Variants in FAM149A observed in about 807,000 individuals in gnomAD.
FAM149A encodes family with sequence similarity 149 member A, also known as protein FAM149A.
A neutral mutation model predicts 78.2 loss-of-function variants in FAM149A; 71 were observed. The ratio of observed to expected loss-of-function variants is 0.91; its 90% CI spans 0.75 to 1.11. FAM149A has a LOEUF of 1.11. Ranked by LOEUF, FAM149A falls within the 50% of genes least tolerant of loss-of-function variation. The pLI is 0.00. For missense variants in FAM149A, 1,036 were observed against 971.0 expected, an observed-to-expected ratio of 1.07 and a Z score of -0.89; for synonymous variants, 446 against 410.5, an observed-to-expected ratio of 1.09 and a Z score of -1.04.
intron 8 of FAM149A, chr4:186,160,782 A>ACACACACACACACACAC (rs1734545214): frequency 6.4e-5 from 2 of 31,478 alleles, no homozygotes; most frequent in African/African-American, 4.9e-4. Flanking sequence ...ACACCACACC[A>ACACACACACACACACAC]CACACACACA....
At chr4:186,136,960 C>T (rs570638257) in intron 1 of FAM149A, among the ~76,000 whole-genome samples, 44 of 102,652 alleles carry the variant, frequency 4.3e-4, no homozygotes, top group African/African-American at 1.3e-3. Flanking sequence ...CTCTCTCTCT[C>T]TCTTTCTCTC....
chr4:186,144,906 G>T lies in FAM149A; in HGVS notation c.567-4267G>T. On this transcript the variant is annotated intron_variant, in intron 1 of 13. Transcript: ENST00000389354. This position sits in a 1 kb window ranked among gnomAD's most constrained non-coding sequence, Gnocchi z 4.2. ...GACCCCGGGCGCGCCCGGGCCGCCT[G>T]AGCTGGGCCAGCCGCGCGGCGGGCG... The T allele has an allele frequency of 1.0e-6, 1 of 970,356 alleles. No homozygotes were observed. The highest frequency in any genetic ancestry group is 4.6e-5 in the South Asian group (1 of 21,580). The allele number at this position is 970,356 out of a possible 1,614,324, so 60.1% of individuals were successfully genotyped here.
intron 3 of FAM149A, among the ~76,000 whole-genome samples, chr4:186,150,728 T>G (rs1472305798): frequency 3.3e-4 from 1 of 2,986 alleles, no homozygotes; most frequent in Non-Finnish European, 1.1e-3. Flanking sequence ...CTTTTCTCTC[T>G]TTTTTTTTTT....
Position 186,149,234 on chromosome 4 carries a change from C to A in FAM149A, c.628C>A (p.Pro210Thr). ...TACTGTGAGGAGCAAAGATTCTTTACCTACGCATTTTACAAGAAATGTGCA... is the reference window on the plus strand; with the variant it reads ...TACTGTGAGGAGCAAAGATTCTTTAACTACGCATTTTACAAGAAATGTGCA... The change falls in exon 2 of 14, where the codon CCT becomes ACT. Residue 210 changes from proline to threonine, a missense_variant. Physicochemically the swap from Pro to Thr is conservative, Grantham distance 38. This residue lies in a region of FAM149A where 716 missense variants were observed against 711.8 expected (regional missense o/e 1.01). Transcript: ENST00000389354. 1 of 1,289,278 alleles carries A rather than the reference C, an allele frequency of 7.8e-7. No homozygotes were observed. Among genetic ancestry groups the A allele is most frequent in the Non-Finnish European group, 1.0e-6 (1 of 988,580 alleles). The allele number at this position is 1,289,278 out of a possible 1,614,324, so 79.9% of individuals were successfully genotyped here.
At chr4:186,123,338 C>T in intron 1 of FAM149A, 2 of 985,434 alleles carry the variant, frequency 2.0e-6, no homozygotes, top group Non-Finnish European at 2.4e-6. Context: ...GTTTTCTTGT[C>T]TGTACCTTTA....
chr4:186,160,562 A>G (rs953625101), intron 8 of FAM149A, among the ~76,000 whole-genome samples: 10 of 144,864 alleles, frequency 6.9e-5, no homozygotes, highest in African/African-American at 2.6e-4. Context: ...ACATGCACAC[A>G]TACCACACAC....
chr4:186,156,963 A>C (rs903638575), intron 7 of FAM149A, among the ~76,000 whole-genome samples: 6 of 152,102 alleles, frequency 3.9e-5, no homozygotes, highest in African/African-American at 1.4e-4. Flanking sequence ...TCTCTCCCCC[A>C]AAAATAGCAG....
chr4:186,136,936 ATCTC>A (rs142934788), intron 1 of FAM149A, among the ~76,000 whole-genome samples: 895 of 87,842 alleles, frequency 0.01, 7 homozygotes, highest in Non-Finnish European at 0.012. Flanking sequence ...ACACTGATTG[ATCTC>A]TCTCTCTCTC....
At chr4:186,128,039 G>GGA (rs968063290) in intron 1 of FAM149A, among the ~76,000 whole-genome samples, 1 of 129,144 alleles carries the variant, frequency 7.7e-6, no homozygotes, top group African/African-American at 3.0e-5. Flanking sequence ...TGCCCAGGCT[G>GGA]GAGTGCAATG....
intron 1 of FAM149A, among the ~76,000 whole-genome samples, chr4:186,130,806 T>TAGAC (rs2099320486): frequency 6.6e-6 from 1 of 152,094 alleles, no homozygotes; most frequent in Non-Finnish European, 1.5e-5. Context: ...GATGCAAAGG[T>TAGAC]AGACAAATAG....
At chr4:186,146,463 G>A in intron 1 of FAM149A, 1 of 985,376 alleles carries the variant, frequency 1.0e-6, no homozygotes, top group Non-Finnish European at 1.2e-6. Context: ...GTGGTGTGAT[G>A]TGAAGAGAGA....
chr4:186,156,258 T>C, intron 7 of FAM149A, 68 bp downstream of exon 7: 1 of 1,387,040 alleles, frequency 7.2e-7, no homozygotes, highest in Non-Finnish European at 9.9e-7. Flanking sequence ...GGGCTCCTGC[T>C]CCCCAGCTTG....
chr4:186,130,331 A>C (rs1292046270), intron 1 of FAM149A, among the ~76,000 whole-genome samples: 11 of 121,158 alleles, frequency 9.1e-5, no homozygotes, highest in Non-Finnish European at 1.4e-4. Context: ...TATCGACAGA[A>C]CTAAAAGGAG....
Position 186,144,790 on chromosome 4 carries a change from C to T in FAM149A, c.567-4383C>T. On this transcript the variant is annotated intron_variant, in intron 1 of 13. Transcript: ENST00000389354. This position sits in a 1 kb window ranked among gnomAD's most constrained non-coding sequence, Gnocchi z 4.2. ...GGCGCAGCCGGGATTAGCTGGCGGG[C>T]GAGGGCGCAGCGCAGGGAGGAGGAG... 7.2e-6 allele frequency: 7 copies of T among 978,558 alleles called. No homozygotes were observed. Among genetic ancestry groups the T allele is most frequent in the Non-Finnish European group, 8.5e-6 (7 of 824,410 alleles). The allele number at this position is 978,558 out of a possible 1,614,324, so 60.6% of individuals were successfully genotyped here. A position where few individuals can be genotyped will look rare whatever the true frequency, so the allele number is the denominator to read the frequency against.
chr4:186,145,238 G>A (rs913569065), intron 1 of FAM149A: 50 of 766,378 alleles, frequency 6.5e-5, no homozygotes, highest in Non-Finnish European at 7.9e-5. Context: ...GAAGCGTCAG[G>A]CCGGCCCCGG....
chr4:186,157,437 ATG>A (rs1734127317), intron 7 of FAM149A, 126 bp from the exon 8 acceptor site: 1 of 889,294 alleles, frequency 1.1e-6, no homozygotes, highest in African/African-American at 2.2e-5. Flanking sequence ...CCGTGGTAAC[ATG>A]TGGAGTGGCC....
intron 4 of FAM149A, chr4:186,153,396 C>A (rs1412322472): frequency 4.1e-6 from 4 of 983,540 alleles, no homozygotes; most frequent in Non-Finnish European, 3.6e-6. Context: ...CCATTATTAT[C>A]CTGTTTTGCA....
chr4:186,122,661 A>T (rs895509634), intron 1 of FAM149A: 64 of 162,742 alleles, frequency 3.9e-4, no homozygotes, highest in Non-Finnish European at 6.0e-4. Flanking sequence ...CCATGTTTTT[A>T]AAAAAATGTT....
intron 13 of FAM149A, chr4:186,169,780 A>G (rs987085610): frequency 1.0e-6 from 1 of 985,338 alleles, no homozygotes; most frequent in African/African-American, 1.7e-5. Flanking sequence ...GTGCAATCAC[A>G]TATGGCCACT....
Sources: allele counts gnomAD v4.1 joint callset (sites outside exome capture counted in the v4.1 genomes callset), GRCh38; gene constraint gnomAD v4.1.1; regional missense constraint gnomAD v4.1.1; non-coding constraint Gnocchi (gnomAD v3.1); transcripts MANE v1.5; gene names NCBI Gene and HGNC (gene_info 2026-07-23, HGNC 2026-07-21).